Variants in WDR44 observed in about 807,000 individuals in gnomAD.
WDR44 encodes the protein WD repeat-containing protein 44.
Under a neutral mutation model 65.7 loss-of-function variants are expected in WDR44, and 9 were observed. The ratio of observed to expected loss-of-function variants is 0.14; its 90% CI spans 0.08 to 0.24. The LOEUF (loss-of-function observed/expected upper bound fraction) is 0.24. WDR44 is among the 10% of genes least tolerant of loss of function. WDR44 has a pLI of 1.00. For missense variants in WDR44, 425 were observed against 670.9 expected (o/e 0.63, Z 4.05); for synonymous variants, 220 against 235.2 (o/e 0.94, Z 0.59).
chrX:118,383,315 GAGTGCAGTGACACATAGGCCA>G (rs57499365), intron 2 of WDR44, among the ~76,000 whole-genome samples: 9,253 of 110,920 alleles, frequency 0.083, 1,000 homozygotes, highest in African/African-American at 0.29. Context: ...AAATTAGGCC[GAGTGCAGTGACACATAGGCCA>G]AGTGCAGTGA....
intron 17 of WDR44, 48 bp from the exon 18 acceptor site, chrX:118,443,512 T>TAC (rs1416096672): frequency 8.5e-7 from 1 of 1,181,826 alleles, no homozygotes; most frequent in African/African-American, 1.8e-5. Flanking sequence ...CCTTTAAACA[T>TAC]ATACACACAC....
In WDR44 at chrX:118,397,035, A is replaced by G. The variant is rs759913520; in HGVS notation, c.1119A>G (p.Ala373=). ...DTGEEIPLSL[A]EEKLPTGINP... ...GAGAAGAAATACCTTTGAGTCTTGCAGAAGAGAAACTACCAACAGGCATTA... is the reference window on the plus strand; with the variant it reads ...GAGAAGAAATACCTTTGAGTCTTGCGGAAGAGAAACTACCAACAGGCATTA... Residue 373 remains alanine, a synonymous_variant, in exon 7 of 20, where the codon GCA becomes GCG. Transcript: ENST00000254029. 2 of 1,201,815 alleles carry G rather than the reference A, an allele frequency of 1.7e-6. No individual in the cohort carries two copies. Among genetic ancestry groups the G allele is most frequent in the Non-Finnish European group, 1.1e-6 (1 of 891,064 alleles).
intron 12 of WDR44, among the ~76,000 whole-genome samples, chrX:118,422,928 T>C (rs976054451): frequency 9.0e-6 from 1 of 111,580 alleles, no homozygotes; most frequent in Non-Finnish European, 1.9e-5. Context: ...GCTCTGTCTC[T>C]AGAGCTTATG....
At chrX:118,361,687 C>T (rs2056513391) in intron 1 of WDR44, among the ~76,000 whole-genome samples, 1 of 111,326 alleles carries the variant, frequency 9.0e-6, no homozygotes, top group Non-Finnish European at 1.9e-5. Context: ...GCCTGAGAGG[C>T]GAAGGTTGCA....
At chrX:118,364,452 C>G (rs2056536966) in intron 1 of WDR44, among the ~76,000 whole-genome samples, 1 of 112,166 alleles carries the variant, frequency 8.9e-6, no homozygotes, top group Non-Finnish European at 1.9e-5. Context: ...GTGCTTGTGT[C>G]TCTCATTGCA....
chrX:118,415,695 G>T (rs777398126), intron 12 of WDR44, among the ~76,000 whole-genome samples: 2 of 111,582 alleles, frequency 1.8e-5, no homozygotes, highest in Non-Finnish European at 3.8e-5. Flanking sequence ...GTAGAGACGA[G>T]GTTTCAACAT....
intron 8 of WDR44, among the ~76,000 whole-genome samples, chrX:118,402,435 C>CAAAA (rs758497932): frequency 6.9e-5 from 1 of 14,419 alleles, no homozygotes; most frequent in Non-Finnish European, 1.0e-4. Context: ...AACTCTGTCT[C>CAAAA]AAAAAAAAAA....
rs770884145 is a variant in WDR44, at chrX:118,376,284, G to A, written c.78-2135G>A. Among the ~76,000 whole-genome samples the A allele has an allele frequency of 1.4e-4, 13 of 95,732 alleles. No homozygotes were observed. The East Asian group carries it at 4.1e-3, about 30-fold the overall frequency. 83.1% of individuals were successfully genotyped at this position (95,732 alleles called of 115,157 possible). A position where few individuals can be genotyped will look rare whatever the true frequency, so the allele number is the denominator to read the frequency against. ...GGGATTGATTTTCTGTTACTCAAAA[G>A]TAATTTTTTTAACAAATTAAGTTTT... On this transcript the variant is annotated intron_variant, in intron 1 of 19. Coordinates refer to ENST00000254029, the MANE Select transcript of WDR44 (RefSeq NM_019045.5).
chrX:118,354,014 G>A (rs2056437041), intron 1 of WDR44, among the ~76,000 whole-genome samples: 1 of 106,287 alleles, frequency 9.4e-6, no homozygotes. Context: ...TAGTTGTATG[G>A]GTCTTTTTTT....
intron 1 of WDR44, among the ~76,000 whole-genome samples, chrX:118,364,635 G>A (rs2056538736): frequency 1.8e-5 from 2 of 112,214 alleles, no homozygotes; most frequent in Admixed American, 9.5e-5. Flanking sequence ...GGGGCCTAAA[G>A]ACTCAACTAA....
chrX:118,405,465 A>G (rs1273355717), intron 9 of WDR44, among the ~76,000 whole-genome samples: 6 of 109,603 alleles, frequency 5.5e-5, no homozygotes, highest in Non-Finnish European at 9.5e-5. Flanking sequence ...TCAGCCTCCC[A>G]AGTAGCTGGG....
chrX:118,437,061 A>G (rs528589652), intron 14 of WDR44, among the ~76,000 whole-genome samples: 2 of 112,147 alleles, frequency 1.8e-5, no homozygotes, highest in Non-Finnish European at 1.9e-5. Context: ...CAAGGTATAA[A>G]TAAATGAAAT....
intron 2 of WDR44, among the ~76,000 whole-genome samples, chrX:118,386,023 T>C (rs182818769): frequency 5.4e-5 from 6 of 111,504 alleles, no homozygotes; most frequent in African/African-American, 1.6e-4. Flanking sequence ...TGCTCGAAGA[T>C]ATTGCAAGTC....
intron 12 of WDR44, among the ~76,000 whole-genome samples, chrX:118,411,366 G>A (rs1374057801): frequency 2.7e-5 from 3 of 111,708 alleles, no homozygotes; most frequent in Non-Finnish European, 5.7e-5. Context: ...TTCAGATAAG[G>A]TATCTTAATG....
At chrX:118,393,932 C>T in intron 4 of WDR44, 123 bp from the exon 5 acceptor site, 6 of 596,492 alleles carry the variant, frequency 1.0e-5, no homozygotes. Context: ...AATTAAATAA[C>T]TTGTTTGAAC....
intron 12 of WDR44, among the ~76,000 whole-genome samples, chrX:118,421,509 G>A (rs1157718410): frequency 8.9e-6 from 1 of 112,073 alleles, no homozygotes; most frequent in African/African-American, 3.2e-5. Flanking sequence ...CTAACCTAGT[G>A]CTAGCCACAG....
At position 118,352,318 on chromosome X, in the gene WDR44, TTATATATATA is replaced by T. The variant is rs1234642278; in HGVS notation, c.77+5764_77+5773del. 1.2e-3 allele frequency among the ~76,000 whole-genome samples: 21 copies of T among 16,855 alleles called. 1 individual carries two copies. Among genetic ancestry groups the T allele is most frequent in the African/African-American group, 4.3e-3 (16 of 3,720 alleles). The allele number at this position is 16,855 out of a possible 115,157, so 14.6% of individuals were successfully genotyped here. A position where few individuals can be genotyped will look rare whatever the true frequency, so the allele number is the denominator to read the frequency against. ...ATGTGCACCACCACGCCCAGCTAATTTATATATATATATATATATATATATATATATATAT... is the reference window on the plus strand; with the variant it reads ...ATGTGCACCACCACGCCCAGCTAATTTATATATATATATATATATATATAT... On this transcript the variant is annotated intron_variant, in intron 1 of 19. Transcript: ENST00000254029.
intron 12 of WDR44, among the ~76,000 whole-genome samples, chrX:118,431,444 C>T (rs902794661): frequency 4.5e-5 from 5 of 111,693 alleles, no homozygotes; most frequent in Non-Finnish European, 9.4e-5. Flanking sequence ...GCTGGGATTA[C>T]AGGCATGCGC....
rs1716785 is a variant in WDR44, at chrX:118,346,197, T to G, written c.-307T>G. The G allele has an allele frequency of 4.4e-3, 1,354 of 306,921 alleles. 27 individuals carry two copies. The East Asian group carries it at 0.059, about 13-fold the overall frequency. 25.3% of individuals were successfully genotyped at this position (306,921 alleles called of 1,213,427 possible). ...CTGTAGCCGGCGCGCCCTTCTTCCCTTACTGCGAGGAGCCACCGCCTCTTT... is the reference window on the plus strand; with the variant it reads ...CTGTAGCCGGCGCGCCCTTCTTCCCGTACTGCGAGGAGCCACCGCCTCTTT... On this transcript the variant is annotated 5_prime_UTR_variant, in exon 1 of 20. Transcript: ENST00000254029.
Sources: gnomAD v4.1 joint callset for allele counts (sites outside exome capture counted in the v4.1 genomes callset) on GRCh38, gnomAD v4.1.1 for gene constraint, MANE v1.5 for transcripts, NCBI Gene and HGNC (gene_info 2026-07-23, HGNC 2026-07-21) for gene names.